The following PTPRD variants were observed in gnomAD, a reference collection of about 807,000 sequenced individuals.
The protein encoded by PTPRD is protein tyrosine phosphatase receptor type D.
A neutral mutation model predicts 214.5 loss-of-function variants in PTPRD; 34 were observed. The observed-to-expected ratio is 0.16, with a 90% CI of 0.12 to 0.21. The LOEUF (loss-of-function observed/expected upper bound fraction) is 0.21, where lower values mean the gene tolerates loss of function less well. PTPRD is among the 10% of genes least tolerant of loss of function. PTPRD has a pLI of 1.00. For missense variants in PTPRD, 2,545 were observed against 2,398.7 expected (o/e 1.06, Z -1.27); for synonymous variants, 1,128 against 845.7 (o/e 1.33, Z -5.79).
chr9:10,411,780 TA>T (rs1192991441), intron 2 of PTPRD, among the ~76,000 whole-genome samples: 5 of 151,726 alleles, frequency 3.3e-5, no homozygotes, highest in African/African-American at 4.8e-5. Flanking sequence ...GGCCTCTAGG[TA>T]AAAAAGCTGA....
chr9:8,417,436 G>A (rs2094021825), intron 35 of PTPRD, among the ~76,000 whole-genome samples: 2 of 152,108 alleles, frequency 1.3e-5, no homozygotes, highest in African/African-American at 4.8e-5. Flanking sequence ...AAACTACTAA[G>A]AATGGTGAGA....
intron 8 of PTPRD, among the ~76,000 whole-genome samples, chr9:9,496,101 C>T (rs1162523580): frequency 1.3e-5 from 2 of 152,068 alleles, no homozygotes; most frequent in African/African-American, 2.4e-5. Context: ...GTGAGTCTGG[C>T]AAAGGGGCCG....
At chr9:9,279,311 T>G (rs1946801404) in intron 9 of PTPRD, among the ~76,000 whole-genome samples, 1 of 147,704 alleles carries the variant, frequency 6.8e-6, no homozygotes, top group African/African-American at 2.5e-5. Context: ...CATATACACA[T>G]GCATATATAC....
intron 2 of PTPRD, among the ~76,000 whole-genome samples, chr9:10,416,449 T>C (rs2098489511): frequency 6.6e-6 from 1 of 151,488 alleles, no homozygotes; most frequent in Non-Finnish European, 1.5e-5. Context: ...AAAGAAGAAA[T>C]AATTTGAAAG....
At chr9:8,385,111 T>A (rs1589212101) in intron 37 of PTPRD, among the ~76,000 whole-genome samples, 1 of 152,358 alleles carries the variant, frequency 6.6e-6, no homozygotes, top group East Asian at 1.9e-4. Context: ...AAACAGATGC[T>A]AGTGAAACTT....
intron 3 of PTPRD, among the ~76,000 whole-genome samples, chr9:10,134,366 A>T (rs925434409): frequency 6.6e-6 from 1 of 152,146 alleles, no homozygotes; most frequent in Non-Finnish European, 1.5e-5. Context: ...CCCATGAATG[A>T]ACTTAATAAG....
chr9:8,321,105 T>A (rs1587353265), intron 44 of PTPRD, among the ~76,000 whole-genome samples: 1 of 152,072 alleles, frequency 6.6e-6, no homozygotes, highest in Non-Finnish European at 1.5e-5. Context: ...ATTGAAGATG[T>A]CTAGCGGCAG....
chr9:8,787,492 C>A (rs887871608), intron 11 of PTPRD, among the ~76,000 whole-genome samples: 7 of 151,960 alleles, frequency 4.6e-5, no homozygotes, highest in African/African-American at 1.7e-4. Context: ...TTTTTCTAGT[C>A]TATTAATGTC....
intron 5 of PTPRD, among the ~76,000 whole-genome samples, chr9:9,810,839 G>C (rs536766826): frequency 4.6e-5 from 7 of 151,726 alleles, no homozygotes; most frequent in African/African-American, 1.7e-4. Flanking sequence ...CTCTTCTGAT[G>C]GATCTGGGCA....
chr9:9,602,012 T>C (rs2093808310), intron 7 of PTPRD, among the ~76,000 whole-genome samples: 1 of 152,126 alleles, frequency 6.6e-6, no homozygotes, highest in African/African-American at 2.4e-5. Context: ...TTTGTGTGTA[T>C]GCATATGTGA....
At chr9:9,685,304 G>T (rs7856030) in intron 7 of PTPRD, among the ~76,000 whole-genome samples, 22,412 of 150,364 alleles carry the variant, frequency 0.15, 2,310 homozygotes, top group African/African-American at 0.29. Context: ...TAGATTTTAC[G>T]TAAGAATGCA....
At chr9:9,215,424 G>C (rs1037692620) in intron 9 of PTPRD, among the ~76,000 whole-genome samples, 2 of 152,098 alleles carry the variant, frequency 1.3e-5, no homozygotes, top group African/African-American at 2.4e-5. Flanking sequence ...ACACAGAATT[G>C]CTATAAAAAT....
At chr9:9,486,501 T>A (rs145191457) in intron 8 of PTPRD, among the ~76,000 whole-genome samples, 2 of 152,248 alleles carry the variant, frequency 1.3e-5, no homozygotes, top group East Asian at 1.9e-4. Context: ...ACACATACAC[T>A]CTTATGCTTT....
intron 2 of PTPRD, among the ~76,000 whole-genome samples, chr9:10,481,944 T>C (rs1455119870): frequency 6.6e-6 from 1 of 151,940 alleles, no homozygotes; most frequent in Non-Finnish European, 1.5e-5. Context: ...GGAGACAAAA[T>C]TATATTTAAG....
intron 11 of PTPRD, among the ~76,000 whole-genome samples, chr9:8,990,141 C>T (rs185186444): frequency 1.3e-5 from 2 of 152,230 alleles, no homozygotes; most frequent in East Asian, 1.9e-4. Flanking sequence ...TCTCCAAGTA[C>T]TTCCATGCAC....
At chr9:8,530,454 A>G (rs1022233437) in intron 14 of PTPRD, among the ~76,000 whole-genome samples, 4 of 152,006 alleles carry the variant, frequency 2.6e-5, no homozygotes, top group Admixed American at 2.6e-4. Context: ...AAATTCTCTC[A>G]AACATATTTC....
chr9:8,880,808 A>G (rs1394249416), intron 11 of PTPRD, among the ~76,000 whole-genome samples: 2 of 152,314 alleles, frequency 1.3e-5, no homozygotes, highest in South Asian at 4.1e-4. Context: ...TTCTTGAGAC[A>G]GTGTCTGACT....
intron 9 of PTPRD, among the ~76,000 whole-genome samples, chr9:9,203,851 G>A (rs192555554): frequency 2.6e-5 from 4 of 152,312 alleles, no homozygotes; most frequent in African/African-American, 9.6e-5. Flanking sequence ...CTATTTTAGA[G>A]ATGTGTTATA....
At chr9:8,334,250 C>T (rs1038111373) in intron 43 of PTPRD, among the ~76,000 whole-genome samples, 4 of 152,088 alleles carry the variant, frequency 2.6e-5, no homozygotes, top group Admixed American at 2.0e-4. Context: ...CACCACATTG[C>T]ACTTATTCTA....
Sources: gnomAD v4.1 joint callset for allele counts (sites outside exome capture counted in the v4.1 genomes callset) on GRCh38, gnomAD v4.1.1 for gene constraint, MANE v1.5 for transcripts, NCBI Gene and HGNC (gene_info 2026-07-23, HGNC 2026-07-21) for gene names.